TTLL6: variants seen among roughly 807,000 people sequenced by gnomAD.
TTLL6 encodes the protein tubulin tyrosine ligase like 6.
In TTLL6, 75 loss-of-function variants were observed where a neutral mutation model predicts 96.4. The ratio of observed to expected loss-of-function variants is 0.78; its 90% confidence interval spans 0.65 to 0.94. The LOEUF (loss-of-function observed/expected upper bound fraction) is 0.94, where lower values mean the gene tolerates loss of function less well. Among genes scored for constraint, TTLL6 ranks in the 40% least tolerant of loss-of-function variants. The probability of loss-of-function intolerance (pLI) is 0.00; values close to 1 mark genes in which losing one functional copy is unlikely to be tolerated. For missense variants in TTLL6, 1,030 were observed against 1,093.0 expected (o/e 0.94, Z 0.81); for synonymous variants, 411 against 419.4 (o/e 0.98, Z 0.24).
intron 8 of TTLL6, 91 bp downstream of exon 8, chr17:48,795,970 C>A: frequency 4.8e-6 from 5 of 1,052,082 alleles, no homozygotes; most frequent in Non-Finnish European, 7.0e-6. Context: ...GATGGAAACA[C>A]TGATGGGGAC....
At chr17:48,791,912 A>C (rs1184241470) in intron 8 of TTLL6, among the ~76,000 whole-genome samples, 4 of 152,234 alleles carry the variant, frequency 2.6e-5, no homozygotes, top group Non-Finnish European at 5.9e-5. Flanking sequence ...GGGATGAGTC[A>C]AGAAAACCCC....
chr17:48,790,073 G>C lies in TTLL6; in HGVS notation c.1258C>G (p.Arg420Gly). Reference sequence around the variant, plus strand: ...CCATCTTTCACCTCTTTATCCAACCGAGAGTCGGTGGAGAAGCTTGGAGAG... The same window carrying C: ...CCATCTTTCACCTCTTTATCCAACCCAGAGTCGGTGGAGAAGCTTGGAGAG... ...NHSPSFSTDS[R>G]LDKEVKDGLL... is the part of the protein sequence containing the mutation. The change falls in exon 10 of 16, where the codon CGG becomes GGG. Residue 420 changes from arginine (R) to glycine (G), a missense_variant. Physicochemically the swap from Arg to Gly is moderately radical, Grantham distance 125. Coordinates refer to ENST00000393382, the MANE Select transcript of TTLL6 (RefSeq NM_001130918.3). The C allele has an allele frequency of 1.2e-6, 2 of 1,614,062 alleles. No individual in the cohort carries two copies. Among genetic ancestry groups the C allele is most frequent in the Non-Finnish European group, 1.7e-6 (2 of 1,179,976 alleles).
chr17:48,804,133 C>T (rs2039468291), intron 2 of TTLL6: 1 of 621,570 alleles, frequency 1.6e-6, no homozygotes, highest in Non-Finnish European at 2.9e-6. Flanking sequence ...GGTACTATTA[C>T]TCTACCCAGA....
chr17:48,797,884 G>A (rs1268492767), intron 6 of TTLL6, among the ~76,000 whole-genome samples: 1 of 148,884 alleles, frequency 6.7e-6, no homozygotes, highest in Non-Finnish European at 1.5e-5. Flanking sequence ...AGGGAGGATT[G>A]CTTGACCTCA....
Position 48,786,184 on chromosome 17 carries a change from C to A in TTLL6, c.1741G>T (p.Ala581Ser), listed in dbSNP as rs748014581. Residue 581 changes from alanine to serine, a missense_variant, in exon 12 of 16, where the codon GCC becomes TCC. Ala to Ser is a moderately conservative substitution (Grantham distance 99, BLOSUM62 1). Coordinates refer to ENST00000393382, the MANE Select transcript of TTLL6 (RefSeq NM_001130918.3). ...TTTACCTGTTTGGAGGCTTGGGTGG[C>A]GGCCTTGTCTTTCTGCTGTTGTTTC... is the stretch of plus-strand genomic sequence containing the variant. ...QQKQQQKDKAATQASKQYIQP... is the reference protein window; with the variant it reads ...QQKQQQKDKASTQASKQYIQP... 1.2e-6 allele frequency: 2 copies of A among 1,614,190 alleles called. No homozygotes were observed. Among genetic ancestry groups the A allele is most frequent in the Non-Finnish European group, 1.7e-6 (2 of 1,180,044 alleles).
intron 13 of TTLL6, among the ~76,000 whole-genome samples, chr17:48,773,648 G>A (rs2038796630): frequency 6.6e-6 from 1 of 152,044 alleles, no homozygotes; most frequent in South Asian, 2.1e-4. Context: ...TTGAGCCCAG[G>A]AAGATTGAGG....
At chr17:48,766,789 G>A (rs999758265) in intron 15 of TTLL6, among the ~76,000 whole-genome samples, 5 of 152,334 alleles carry the variant, frequency 3.3e-5, no homozygotes, top group African/African-American at 1.2e-4. Context: ...GAAGATAGTG[G>A]TAGTGGGTTG....
chr17:48,784,421 T>C (rs1205207548), intron 13 of TTLL6, among the ~76,000 whole-genome samples: 1 of 151,060 alleles, frequency 6.6e-6, no homozygotes, highest in Non-Finnish European at 1.5e-5. Context: ...AAAAATAAGA[T>C]ACACAGAGGA....
rs551094471 is a variant in TTLL6 at position 48,772,334 on chromosome 17, A to G, written c.2041-2237T>C. Among the ~76,000 whole-genome samples, 67 of 152,240 alleles carry G rather than the reference A, an allele frequency of 4.4e-4. 1 individual carries two copies. Among genetic ancestry groups the G allele is most frequent in the African/African-American group, 1.5e-3 (62 of 41,558 alleles). Reference sequence around the variant, plus strand: ...ACCATATTGCTTAAAAAATTAAAATAATAGATAAATAAAAATAAAGAAATA... The same window carrying G: ...ACCATATTGCTTAAAAAATTAAAATGATAGATAAATAAAAATAAAGAAATA... On this transcript the variant is annotated intron_variant, in intron 13 of 15. Transcript: ENST00000393382.
chr17:48,775,035 G>A (rs2038843101), intron 13 of TTLL6, among the ~76,000 whole-genome samples: 1 of 151,814 alleles, frequency 6.6e-6, no homozygotes, highest in African/African-American at 2.4e-5. Flanking sequence ...TCAGGAGGCT[G>A]GGGCAGGAGA....
In TTLL6 at chr17:48,791,221, T is replaced by C. The variant is rs544155021; in HGVS notation, c.1224+157A>G. On this transcript the variant is annotated intron_variant, in intron 9 of 15. Transcript: ENST00000393382. The stretch of plus-strand genomic sequence containing the variant: ...CTGTCTACCCCCCTCTGGTGGCCAC[T>C]TCTCAGCTAAGAGAGAAGCCCCAGG... Among the ~76,000 whole-genome samples the C allele has an allele frequency of 2.6e-5, 4 of 152,236 alleles. No homozygotes were observed. In the South Asian group the frequency reaches 8.3e-4, roughly 32 times the overall value.
intron 1 of TTLL6, among the ~76,000 whole-genome samples, chr17:48,809,697 A>T (rs565053609): frequency 8.0e-5 from 12 of 149,618 alleles, no homozygotes; most frequent in African/African-American, 1.7e-4. Flanking sequence ...CATCTCTATT[A>T]AAAAAAAAAT....
chr17:48,790,945 C>T (rs1005126286), intron 9 of TTLL6, among the ~76,000 whole-genome samples: 5 of 152,268 alleles, frequency 3.3e-5, no homozygotes, highest in Admixed American at 2.0e-4. Context: ...CCATCCATTT[C>T]GGTGGCAGCA....
chr17:48,797,958 A>G (rs1597991872), intron 6 of TTLL6, among the ~76,000 whole-genome samples: 1 of 152,132 alleles, frequency 6.6e-6, no homozygotes, highest in South Asian at 2.1e-4. Flanking sequence ...CAAAAAAAGA[A>G]TTAGCCAAGT....
chr17:48,795,948 C>T, intron 8 of TTLL6, 113 bp downstream of exon 8: 1 of 808,630 alleles, frequency 1.2e-6, no homozygotes, highest in South Asian at 1.9e-5. Flanking sequence ...ATTCTCAGAC[C>T]ATGTGACCCA....
intron 13 of TTLL6, among the ~76,000 whole-genome samples, chr17:48,778,586 A>C (rs978712059): frequency 5.2e-4 from 79 of 151,194 alleles, no homozygotes; most frequent in Non-Finnish European, 9.6e-4. Context: ...GCTTGAGCCC[A>C]GGAGTTTGAA....
chr17:48,780,900 G>A lies in TTLL6; in HGVS notation c.2040+4023C>T, dbSNP rs191038105. 3.0e-3 allele frequency among the ~76,000 whole-genome samples: 462 copies of A among 152,058 alleles called. 4 individuals are homozygous for A. The highest frequency in any genetic ancestry group is 0.011 in the African/African-American group (448 of 41,466). On this transcript the variant is annotated intron_variant, in intron 13 of 15. Coordinates refer to ENST00000393382, the MANE Select transcript of TTLL6 (RefSeq NM_001130918.3). ...CTTTATTCATTTATCTGTGGTTGACGGGCATTTGGGTTGCTTCTACCTCTT... is the reference window on the plus strand; with the variant it reads ...CTTTATTCATTTATCTGTGGTTGACAGGCATTTGGGTTGCTTCTACCTCTT...
intron 8 of TTLL6, among the ~76,000 whole-genome samples, chr17:48,795,308 G>A (rs1198611303): frequency 6.8e-6 from 1 of 147,152 alleles, no homozygotes; most frequent in Admixed American, 6.9e-5. Context: ...CCTGGCGACA[G>A]AGCAAGACTC....
chr17:48,812,583 T>C (rs1410321905), intron 1 of TTLL6, among the ~76,000 whole-genome samples: 1 of 152,332 alleles, frequency 6.6e-6, no homozygotes, highest in East Asian at 1.9e-4. Context: ...CACAAAGTTC[T>C]TAGAACAGTG....
Sources: gnomAD v4.1 joint callset for allele counts (sites outside exome capture counted in the v4.1 genomes callset) on GRCh38, gnomAD v4.1.1 for gene constraint, MANE v1.5 for transcripts, NCBI Gene and HGNC (gene_info 2026-07-23, HGNC 2026-07-21) for gene names.